DACH1: variants seen among roughly 807,000 people sequenced by gnomAD.
The protein encoded by DACH1 is dachshund family transcription factor 1, also known as dachshund homolog 1.
Under a neutral mutation model 54.2 loss-of-function variants are expected in DACH1, and 12 were observed. That is an observed-to-expected ratio of 0.22 (90% CI 0.14 to 0.36). The LOEUF (loss-of-function observed/expected upper bound fraction) is 0.36, where lower values mean the gene tolerates loss of function less well. Among genes scored for constraint, DACH1 ranks in the 10% least tolerant of loss-of-function variants. The probability of loss-of-function intolerance (pLI) is 1.00; values close to 1 mark genes in which losing one functional copy is unlikely to be tolerated. For synonymous variants in DACH1, 386 were observed against 366.2 expected (o/e 1.05, Z -0.62); for missense variants, 805 against 929.8 (o/e 0.87, Z 1.75).
At chr13:71,614,010 T>C (rs1875559904) in intron 3 of DACH1, among the ~76,000 whole-genome samples, 1 of 152,154 alleles carries the variant, frequency 6.6e-6, no homozygotes, top group Admixed American at 6.5e-5. Flanking sequence ...TGTTTGTTCG[T>C]TTGTTTTCTT....
chr13:71,864,180 TACACACACACACACAC>T (rs55651625), intron 1 of DACH1, among the ~76,000 whole-genome samples: 1 of 108,424 alleles, frequency 9.2e-6, no homozygotes, highest in Non-Finnish European at 1.9e-5. Context: ...CGCGCGCACA[TACACACACACACACAC>T]ACACACACAC....
At chr13:71,609,977 G>A (rs1414827856) in intron 3 of DACH1, among the ~76,000 whole-genome samples, 1 of 152,004 alleles carries the variant, frequency 6.6e-6, no homozygotes, top group Non-Finnish European at 1.5e-5. Context: ...GGAGAAATGA[G>A]ACATAGTCTT....
intron 6 of DACH1, among the ~76,000 whole-genome samples, chr13:71,524,709 C>T (rs1317059981): frequency 6.6e-6 from 1 of 151,846 alleles, no homozygotes; most frequent in African/African-American, 2.4e-5. Context: ...TTATTGAGAG[C>T]ATATGGAGAT....
chr13:71,693,564 C>G (rs927181800), intron 1 of DACH1, among the ~76,000 whole-genome samples: 2 of 150,364 alleles, frequency 1.3e-5, no homozygotes, highest in Non-Finnish European at 3.0e-5. Context: ...GTGATCCGCC[C>G]GCCTCGGCCT....
At chr13:71,691,432 T>A (rs1881471664) in intron 1 of DACH1, among the ~76,000 whole-genome samples, 2 of 152,260 alleles carry the variant, frequency 1.3e-5, no homozygotes, top group African/African-American at 4.8e-5. Flanking sequence ...CAATCCTTAT[T>A]TTTTTGGTGA....
intron 3 of DACH1, among the ~76,000 whole-genome samples, chr13:71,575,611 C>T (rs566988641): frequency 4.1e-4 from 62 of 152,030 alleles, no homozygotes; most frequent in Non-Finnish European, 7.8e-4. Flanking sequence ...TTAAATCACT[C>T]TGAAAACTAC....
At chr13:71,558,662 G>A (rs932943482) in intron 5 of DACH1, among the ~76,000 whole-genome samples, 4 of 151,812 alleles carry the variant, frequency 2.6e-5, no homozygotes, top group African/African-American at 9.7e-5. Flanking sequence ...TTTGAAAACT[G>A]TTTTAAAATT....
intron 6 of DACH1, among the ~76,000 whole-genome samples, chr13:71,519,552 A>T (rs999850449): frequency 2.0e-5 from 3 of 151,586 alleles, no homozygotes; most frequent in Non-Finnish European, 3.0e-5. Flanking sequence ...AGAGCTAATA[A>T]ATGTCACAAT....
At chr13:71,621,604 A>G (rs1377709879) in intron 3 of DACH1, among the ~76,000 whole-genome samples, 2 of 152,080 alleles carry the variant, frequency 1.3e-5, no homozygotes, top group Admixed American at 1.3e-4. Context: ...TTTGTGCAAC[A>G]TAGAAAAAAA....
intron 3 of DACH1, 117 bp from the exon 4 acceptor site, chr13:71,573,129 A>C: frequency 9.4e-7 from 1 of 1,063,594 alleles, no homozygotes; most frequent in Non-Finnish European, 1.3e-6. Context: ...TCCTCTTCAT[A>C]TGCAAAAATT....
intron 1 of DACH1, among the ~76,000 whole-genome samples, chr13:71,798,354 A>ATG (rs1555324573): frequency 3.2e-5 from 4 of 124,286 alleles, no homozygotes; most frequent in Non-Finnish European, 6.4e-5. Context: ...ATATATATAT[A>ATG]TATATATATC....
intron 1 of DACH1, among the ~76,000 whole-genome samples, chr13:71,836,181 T>C (rs561391785): frequency 6.6e-6 from 1 of 152,054 alleles, no homozygotes; most frequent in East Asian, 1.9e-4. Flanking sequence ...AGAAAAAAGG[T>C]ACCATTATAG....
intron 2 of DACH1, among the ~76,000 whole-genome samples, chr13:71,680,534 G>T (rs1880837489): frequency 6.6e-6 from 1 of 152,128 alleles, no homozygotes; most frequent in Non-Finnish European, 1.5e-5. Flanking sequence ...AGCTCAGGAG[G>T]TCCAGGCTGC....
At chr13:71,741,820 A>G (rs1884400073) in intron 1 of DACH1, among the ~76,000 whole-genome samples, 1 of 152,172 alleles carries the variant, frequency 6.6e-6, no homozygotes, top group African/African-American at 2.4e-5. Context: ...CACTTAGTCA[A>G]AGAATGAAAC....
At chr13:71,455,232 T>C (rs557586003) in intron 10 of DACH1, among the ~76,000 whole-genome samples, 1 of 152,230 alleles carries the variant, frequency 6.6e-6, no homozygotes, top group East Asian at 1.9e-4. Flanking sequence ...TTCACACTTT[T>C]AAAAGATTTG....
chr13:71,684,288 C>T (rs180779992), intron 1 of DACH1, among the ~76,000 whole-genome samples: 87 of 152,230 alleles, frequency 5.7e-4, no homozygotes, highest in Middle Eastern at 6.8e-3. Flanking sequence ...ACCTTGCTTT[C>T]CATTTGCTTA....
chr13:71,627,026 T>A (rs547953270), intron 3 of DACH1, among the ~76,000 whole-genome samples: 2 of 152,158 alleles, frequency 1.3e-5, no homozygotes, highest in African/African-American at 4.8e-5. Context: ...AGTGTGCTGA[T>A]GCCTCACTCG....
intron 6 of DACH1, among the ~76,000 whole-genome samples, chr13:71,497,758 T>TGAACAGC (rs71123230): frequency 1.1e-4 from 17 of 151,546 alleles, no homozygotes; most frequent in Non-Finnish European, 1.3e-4. Flanking sequence ...GTTAGTTTGG[T>TGAACAGC]TAAAATTGAC....
chr13:71,701,574 C>T (rs768056508), intron 1 of DACH1, among the ~76,000 whole-genome samples: 7 of 151,816 alleles, frequency 4.6e-5, no homozygotes, highest in Non-Finnish European at 8.8e-5. Flanking sequence ...AGTGACAGAA[C>T]AAAAGGGGGA....
Sources: gnomAD v4.1 joint callset for allele counts (sites outside exome capture counted in the v4.1 genomes callset) on GRCh38, gnomAD v4.1.1 for gene constraint, MANE v1.5 for transcripts, NCBI Gene and HGNC (gene_info 2026-07-23, HGNC 2026-07-21) for gene names.